ANKRD20A1: variants seen among roughly 807,000 people sequenced by gnomAD.
The protein encoded by ANKRD20A1 is ankyrin repeat domain-containing protein 20A1.
Under a neutral mutation model 50.9 loss-of-function variants are expected in ANKRD20A1, and 2 were observed. The ratio of observed to expected loss-of-function variants is 0.04; its 90% CI spans 0.02 to 0.12. ANKRD20A1 has a LOEUF of 0.12. ANKRD20A1 is among the 10% of genes least tolerant of loss of function. The probability of loss-of-function intolerance (pLI) is 1.00; values close to 1 mark genes in which losing one functional copy is unlikely to be tolerated. For missense variants in ANKRD20A1, 31 were observed against 548.1 expected (o/e 0.06, Z 9.42); for synonymous variants, 10 against 186.2 (o/e 0.05, Z 7.70).
rs1742164126 is a variant in ANKRD20A1, at chr9:67,860,456, C to G, written c.203+827C>G. 4.2e-5 allele frequency: 2 copies of G among 47,332 alleles called. 1 individual carries two copies. The highest frequency in any genetic ancestry group is 2.4e-4 in the African/African-American group (2 of 8,216). 2.9% of individuals were successfully genotyped at this position (47,332 alleles called of 1,614,324 possible). A position where few individuals can be genotyped will look rare whatever the true frequency, so the allele number is the denominator to read the frequency against. On this transcript the variant is annotated intron_variant, in intron 1 of 14. Coordinates refer to ENST00000562196, the MANE Select transcript of ANKRD20A1 (RefSeq NM_032250.5). ...TATATACACATTAGATGAAAAGTAC[C>G]TCTTCATTTTACAGGGAATTCTTTC... is the stretch of plus-strand genomic sequence containing the variant.
Position 67,891,067 on chromosome 9 carries a change from G to A in ANKRD20A1, c.1082-2369G>A, listed in dbSNP as rs531010602. Among the ~76,000 whole-genome samples, 2 of 87,404 alleles carry A rather than the reference G, an allele frequency of 2.3e-5. 1 individual carries two copies. Among genetic ancestry groups the A allele is most frequent in the African/African-American group, 7.4e-5 (2 of 26,934 alleles). The allele number at this position is 87,404 out of a possible 152,430, so 57.3% of individuals were successfully genotyped here. A position where few individuals can be genotyped will look rare whatever the true frequency, so the allele number is the denominator to read the frequency against. On this transcript the variant is annotated intron_variant, in intron 11 of 14. Transcript: ENST00000562196. ...TCCCAGCACTTTGGGAGGCTGAGACGGGCAGATAACCTGAGGTTGGGAGTT... is the reference window on the plus strand; with the variant it reads ...TCCCAGCACTTTGGGAGGCTGAGACAGGCAGATAACCTGAGGTTGGGAGTT...
At chr9:67,881,784 GACT>G (rs1827802248) in intron 8 of ANKRD20A1, among the ~76,000 whole-genome samples, 1 of 151,328 alleles carries the variant, frequency 6.6e-6, no homozygotes, top group Non-Finnish European at 1.5e-5. Flanking sequence ...GACAGAGCAA[GACT>G]ACATCTTAAA....
At position 67,859,234 on chromosome 9, in the gene ANKRD20A1, G is replaced by T; in HGVS notation, c.-193G>T. ...TCGCTGCTGAAGGCTGTGGTGGACC[G>T]GGCTGGATCGCGGATTGTGGAGTAG... On this transcript the variant is annotated 5_prime_UTR_variant, in exon 1 of 15. Coordinates refer to ENST00000562196, the MANE Select transcript of ANKRD20A1 (RefSeq NM_032250.5). The T allele has an allele frequency of 4.4e-6, 2 of 454,714 alleles. 1 individual carries two copies. Among genetic ancestry groups the T allele is most frequent in the South Asian group, 8.1e-5 (2 of 24,716 alleles). The allele number at this position is 454,714 out of a possible 1,614,324, so 28.2% of individuals were successfully genotyped here.
At chr9:67,897,375 C>T (rs1362730602) in intron 12 of ANKRD20A1, among the ~76,000 whole-genome samples, 184 bp from the exon 13 acceptor site, 5 of 127,648 alleles carry the variant, frequency 3.9e-5, no homozygotes, top group Non-Finnish European at 6.6e-5. Flanking sequence ...ACAAAAATTT[C>T]GATGATAAAA....
chr9:67,860,005 AT>A lies in ANKRD20A1; in HGVS notation c.203+385del, dbSNP rs771884192. On this transcript the variant is annotated intron_variant, in intron 1 of 14. Transcript: ENST00000562196. ...AATATTTACTATATTATATATATATATTTTTTTTTCAGATGAAAAGTATGTT... is the reference window on the plus strand; with the variant it reads ...AATATTTACTATATTATATATATATATTTTTTTTCAGATGAAAAGTATGTT... 3.5e-4 allele frequency among the ~76,000 whole-genome samples: 10 copies of A among 28,248 alleles called. 2 individuals carry two copies. The highest frequency in any genetic ancestry group is 1.3e-3 in the African/African-American group (7 of 5,570). 18.5% of individuals were successfully genotyped at this position (28,248 alleles called of 152,430 possible).
chr9:67,882,366 A>T (rs1334944296), intron 8 of ANKRD20A1, among the ~76,000 whole-genome samples: 15 of 148,018 alleles, frequency 1.0e-4, no homozygotes, highest in African/African-American at 3.7e-4. Flanking sequence ...TAATGTAGCT[A>T]ATAATTAAAT....
chr9:67,891,979 CTGGG>C lies in ANKRD20A1; in HGVS notation c.1082-1456_1082-1453del, dbSNP rs1827951442. ...GCTGAGGCAGGAGAATTACTTGAAC[CTGGG>C]AGGCCGGGTTGCAGTGAGCCAAGAT... On this transcript the variant is annotated intron_variant, in intron 11 of 14. Transcript: ENST00000562196. Among the ~76,000 whole-genome samples the C allele has an allele frequency of 7.7e-5, 3 of 39,104 alleles. 1 individual carries two copies. The highest frequency in any genetic ancestry group is 2.4e-4 in the African/African-American group (3 of 12,390). The allele number at this position is 39,104 out of a possible 152,430, so 25.7% of individuals were successfully genotyped here. A position where few individuals can be genotyped will look rare whatever the true frequency, so the allele number is the denominator to read the frequency against.
chr9:67,865,541 T>C (rs1375609059), intron 3 of ANKRD20A1, among the ~76,000 whole-genome samples: 1 of 148,878 alleles, frequency 6.7e-6, no homozygotes, highest in African/African-American at 2.5e-5. Flanking sequence ...AAACAAGGGC[T>C]ATATTCTAAT....
At chr9:67,865,558 C>T (rs1421193677) in intron 3 of ANKRD20A1, among the ~76,000 whole-genome samples, 3 of 148,936 alleles carry the variant, frequency 2.0e-5, no homozygotes, top group Middle Eastern at 6.8e-3. Flanking sequence ...TAATGTGGTA[C>T]ACAGATTTGT....
chr9:67,893,963 C>T (rs540198383), intron 12 of ANKRD20A1, among the ~76,000 whole-genome samples: 1 of 152,426 alleles, frequency 6.6e-6, no homozygotes, highest in South Asian at 2.1e-4. Flanking sequence ...TATTGCTGGT[C>T]ACCAGTGCCG....
chr9:67,894,096 G>A (rs1827981144), intron 12 of ANKRD20A1, among the ~76,000 whole-genome samples: 1 of 150,406 alleles, frequency 6.6e-6, no homozygotes, highest in Non-Finnish European at 1.5e-5. Flanking sequence ...TGTGGAATGG[G>A]ACCTTTGGTG....
At chr9:67,894,045 C>G (rs1254272856) in intron 12 of ANKRD20A1, among the ~76,000 whole-genome samples, 1 of 152,272 alleles carries the variant, frequency 6.6e-6, no homozygotes, top group Non-Finnish European at 1.5e-5. Flanking sequence ...TGAATGGGGT[C>G]ATAAAAGTCA....
In ANKRD20A1 at chr9:67,865,848, A is replaced by G. The variant is rs1438290744; in HGVS notation, c.493-1429A>G. Among the ~76,000 whole-genome samples, 7 of 147,962 alleles carry G rather than the reference A, an allele frequency of 4.7e-5. No homozygotes were observed. In the East Asian group the frequency reaches 1.5e-3, roughly 32 times the overall value. On this transcript the variant is annotated intron_variant, in intron 3 of 14. Coordinates refer to ENST00000562196, the MANE Select transcript of ANKRD20A1 (RefSeq NM_032250.5). ...TATAGTATATTTTGATAAAAATTTC[A>G]AGGTTTTTAAGTCAGCATGTATTTG...
chr9:67,884,903 CAAAA>C (rs1208572209), intron 9 of ANKRD20A1, among the ~76,000 whole-genome samples: 1 of 148,280 alleles, frequency 6.7e-6, no homozygotes. Context: ...AAAAACAAAA[CAAAA>C]AAAGTCATTT....
At chr9:67,881,678 C>T (rs1387528789) in intron 8 of ANKRD20A1, among the ~76,000 whole-genome samples, 4 of 152,188 alleles carry the variant, frequency 2.6e-5, no homozygotes. Flanking sequence ...GCCTGTAACC[C>T]CAGCTGCTCA....
rs1254165322 is a variant in ANKRD20A1, at chr9:67,871,365, A to G, written c.793+153A>G. Reference sequence around the variant, plus strand: ...TGAATGTGTATATATGTATATACATATGTAAATTAATTTTTAAAATTTAAC... The same window carrying G: ...TGAATGTGTATATATGTATATACATGTGTAAATTAATTTTTAAAATTTAAC... On this transcript the variant is annotated intron_variant, in intron 6 of 14. Coordinates refer to ENST00000562196, the MANE Select transcript of ANKRD20A1 (RefSeq NM_032250.5). Among the ~76,000 whole-genome samples the G allele has an allele frequency of 1.1e-3, 144 of 136,942 alleles. 5 individuals are homozygous for G. The highest frequency in any genetic ancestry group is 4.1e-3 in the Middle Eastern group (1 of 246). 89.8% of individuals were successfully genotyped at this position (136,942 alleles called of 152,430 possible). A position where few individuals can be genotyped will look rare whatever the true frequency, so the allele number is the denominator to read the frequency against.
At chr9:67,865,574 T>C (rs1285386250) in intron 3 of ANKRD20A1, among the ~76,000 whole-genome samples, 2 of 149,144 alleles carry the variant, frequency 1.3e-5, no homozygotes, top group South Asian at 2.1e-4. Context: ...TTTGTTTGTT[T>C]GCCTCTATAA....
Position 67,861,672 on chromosome 9 carries a change from A to G in ANKRD20A1, c.204-1269A>G, listed in dbSNP as rs1191742062. ...CTTTATCTCCCACCTTTCAAACAAAAGCATTTCTGAAGTTAGAAAATAGTA... is the reference window on the plus strand; with the variant it reads ...CTTTATCTCCCACCTTTCAAACAAAGGCATTTCTGAAGTTAGAAAATAGTA... On this transcript the variant is annotated intron_variant, in intron 1 of 14. Transcript: ENST00000562196. 5.6e-5 allele frequency among the ~76,000 whole-genome samples: 2 copies of G among 35,598 alleles called. 1 individual carries two copies. The highest frequency in any genetic ancestry group is 1.1e-3 in the East Asian group (2 of 1,850). 23.4% of individuals were successfully genotyped at this position (35,598 alleles called of 152,430 possible).
At position 67,884,570 on chromosome 9, in the gene ANKRD20A1, G is replaced by A. The variant is rs781438729; in HGVS notation, c.979G>A (p.Gly327Arg). ...GNRIVNGQGE[G>R]PPAKHPSLKP... ...CAGAATAGTCAATGGACAAGGAGAA[G>A]GTGAGAACCGTATTTTATTTAAAAA... Residue 327 changes from glycine (G) to arginine (R), a missense_variant and splice_region_variant, in exon 9 of 15, where the codon GGG becomes AGG. Coordinates refer to ENST00000562196, the MANE Select transcript of ANKRD20A1 (RefSeq NM_032250.5). The A allele has an allele frequency of 3.1e-6, 5 of 1,592,158 alleles. No homozygotes were observed. Among genetic ancestry groups the A allele is most frequent in the Non-Finnish European group, 3.4e-6 (4 of 1,178,564 alleles).
Sources: allele counts gnomAD v4.1 joint callset (sites outside exome capture counted in the v4.1 genomes callset), GRCh38; gene constraint gnomAD v4.1.1; transcripts MANE v1.5; gene names NCBI Gene and HGNC (gene_info 2026-07-23, HGNC 2026-07-21).